HPSE2: variants seen among roughly 807,000 people sequenced by gnomAD.
HPSE2 encodes heparanase 2 (inactive).
In HPSE2, 38 loss-of-function variants were observed where a neutral mutation model predicts 60.5. The observed-to-expected ratio is 0.63, with a 90% CI of 0.48 to 0.82. The LOEUF is 0.82. Ranked by LOEUF, HPSE2 falls within the 40% of genes least tolerant of loss-of-function variation. The probability of loss-of-function intolerance (pLI) is 0.00; values close to 1 mark genes in which losing one functional copy is unlikely to be tolerated. For missense variants in HPSE2, 713 were observed against 740.4 expected (o/e 0.96, Z 0.43); for synonymous variants, 295 against 293.2 (o/e 1.01, Z -0.06).
chr10:98,935,196 A>T (rs961878393), intron 3 of HPSE2, among the ~76,000 whole-genome samples: 1 of 142,208 alleles, frequency 7.0e-6, no homozygotes, highest in Non-Finnish European at 1.5e-5. Context: ...ATCTTTTATC[A>T]TGGTTCTTAG....
the HPSE2 span, among the ~76,000 whole-genome samples, chr10:99,260,425 G>A: frequency 6.6e-6 from 1 of 152,086 alleles, no homozygotes; most frequent in African/African-American, 2.4e-5. Context: ...ACAACATCAG[G>A]TCCTCAGACC....
chr10:98,465,064 GA>G (rs1452658237), intron 11 of HPSE2, among the ~76,000 whole-genome samples: 1 of 152,172 alleles, frequency 6.6e-6, no homozygotes, highest in East Asian at 1.9e-4. Context: ...TCATTATAAA[GA>G]TGGGCCATGT....
chr10:98,845,086 A>C (rs1341887429), intron 3 of HPSE2, among the ~76,000 whole-genome samples: 1 of 152,234 alleles, frequency 6.6e-6, no homozygotes, highest in Non-Finnish European at 1.5e-5. Flanking sequence ...TTGGAGGAGA[A>C]AGGAAGTTAA....
At chr10:99,085,290 G>A (rs1295264962) in intron 3 of HPSE2, among the ~76,000 whole-genome samples, 3 of 152,156 alleles carry the variant, frequency 2.0e-5, no homozygotes, top group East Asian at 3.9e-4. Flanking sequence ...AGAAAATGAG[G>A]TCTAGAGAAG....
At chr10:99,271,677 C>T in the HPSE2 span, among the ~76,000 whole-genome samples, 1 of 152,020 alleles carries the variant, frequency 6.6e-6, no homozygotes. Flanking sequence ...AAAAAGAGAC[C>T]ACATAGCCAA....
chr10:99,181,304 A>G (rs1309663684), intron 2 of HPSE2, among the ~76,000 whole-genome samples: 2 of 146,920 alleles, frequency 1.4e-5, no homozygotes, highest in Non-Finnish European at 3.0e-5. Context: ...AGGCTGAGGC[A>G]GGAGAATGGC....
the HPSE2 span, among the ~76,000 whole-genome samples, chr10:99,245,193 G>A: frequency 7.2e-5 from 11 of 152,062 alleles, no homozygotes; most frequent in Non-Finnish European, 1.5e-4. Context: ...TAACGTGCAA[G>A]CCTAGGTCAG....
At chr10:98,521,776 A>G (rs1942801347) in intron 9 of HPSE2, among the ~76,000 whole-genome samples, 1 of 152,242 alleles carries the variant, frequency 6.6e-6, no homozygotes, top group Admixed American at 6.5e-5. Context: ...TATGTGGCAC[A>G]TATACACCAT....
In HPSE2 at chr10:98,511,416, C is replaced by A. The variant is rs575493065; in HGVS notation, c.1321-21220G>T. Among the ~76,000 whole-genome samples the A allele has an allele frequency of 2.6e-5, 4 of 152,214 alleles. No homozygotes were observed. The East Asian group carries it at 5.8e-4, about 22-fold the overall frequency. On this transcript the variant is annotated intron_variant, in intron 9 of 11. Transcript: ENST00000370552. ...CCACACGCCTTGGCCTCCCAAAGTGCGGGGATTACAGGTGTGAGGCACCGC... is the reference window on the plus strand; with the variant it reads ...CCACACGCCTTGGCCTCCCAAAGTGAGGGGATTACAGGTGTGAGGCACCGC...
At position 99,099,377 on chromosome 10, in the gene HPSE2, G is replaced by A. The variant is rs143419995; in HGVS notation, c.610+44861C>T. Among the ~76,000 whole-genome samples the A allele has an allele frequency of 8.2e-3, 1,242 of 152,312 alleles. 30 individuals carry two copies. The highest frequency in any genetic ancestry group is 0.042 in the Admixed American group (641 of 15,296). ...ACATGGCTCACAGGGACCCATGCCCGTGGAGTCTCGCTCATTGCTAGCACA... is the reference window on the plus strand; with the variant it reads ...ACATGGCTCACAGGGACCCATGCCCATGGAGTCTCGCTCATTGCTAGCACA... On this transcript the variant is annotated intron_variant, in intron 3 of 11. Coordinates refer to ENST00000370552, the MANE Select transcript of HPSE2 (RefSeq NM_021828.5).
At chr10:98,713,659 G>A (rs1412126279) in intron 5 of HPSE2, among the ~76,000 whole-genome samples, 1 of 151,976 alleles carries the variant, frequency 6.6e-6, no homozygotes, top group Non-Finnish European at 1.5e-5. Flanking sequence ...ACAGGTAAGT[G>A]TTTCAGTAAA....
chr10:98,734,258 G>A (rs1470385956), intron 4 of HPSE2, among the ~76,000 whole-genome samples: 2 of 152,094 alleles, frequency 1.3e-5, no homozygotes, highest in Admixed American at 6.6e-5. Flanking sequence ...TCAATTGATG[G>A]TCATTTAGGT....
chr10:98,749,947 T>TATATACAC, intron 3 of HPSE2, among the ~76,000 whole-genome samples: 29 of 98,452 alleles, frequency 2.9e-4, no homozygotes, highest in African/African-American at 3.3e-4. Context: ...TATATATATA[T>TATATACAC]ACACACACAC....
Position 98,831,431 on chromosome 10 carries a change from A to C in HPSE2, c.611-87375T>G, listed in dbSNP as rs80171843. On this transcript the variant is annotated intron_variant, in intron 3 of 11. Coordinates refer to ENST00000370552, the MANE Select transcript of HPSE2 (RefSeq NM_021828.5). ...ACTCCCTTCCCCCCAATATTTATTG[A>C]AACAAGGGAATGAACCCCATCCTAT... Among the ~76,000 whole-genome samples, 3 of 152,210 alleles carry C rather than the reference A, an allele frequency of 2.0e-5. No individual in the cohort carries two copies. The East Asian group carries it at 5.8e-4, about 29-fold the overall frequency.
chr10:98,714,764 C>A (rs1948752589), intron 5 of HPSE2, among the ~76,000 whole-genome samples: 1 of 151,836 alleles, frequency 6.6e-6, no homozygotes, highest in Admixed American at 6.6e-5. Context: ...AGACTGTTTT[C>A]CAAAGCAGCT....
At chr10:98,600,158 G>C (rs745866903) in intron 9 of HPSE2, among the ~76,000 whole-genome samples, 21 of 152,208 alleles carry the variant, frequency 1.4e-4, no homozygotes, top group Non-Finnish European at 2.2e-4. Context: ...CATAGGAAAA[G>C]TATATCAAGT....
intron 3 of HPSE2, among the ~76,000 whole-genome samples, chr10:99,080,832 T>G (rs1474486426): frequency 6.6e-6 from 1 of 152,256 alleles, no homozygotes; most frequent in African/African-American, 2.4e-5. Context: ...AGGTTTTTTT[T>G]CACTTTTATA....
At chr10:98,474,172 T>C (rs1940901963) in intron 11 of HPSE2, among the ~76,000 whole-genome samples, 1 of 152,206 alleles carries the variant, frequency 6.6e-6, no homozygotes, top group East Asian at 1.9e-4. Context: ...ACAAATGGCC[T>C]ACTGGTCCCA....
At chr10:98,788,320 G>C (rs1452387662) in intron 3 of HPSE2, among the ~76,000 whole-genome samples, 1 of 63,706 alleles carries the variant, frequency 1.6e-5, no homozygotes, top group East Asian at 3.6e-4. Context: ...CTCCAGCTGC[G>C]TGCTGGGAGA....
Sources: allele counts gnomAD v4.1 joint callset (sites outside exome capture counted in the v4.1 genomes callset), GRCh38; gene constraint gnomAD v4.1.1; transcripts MANE v1.5; gene names NCBI Gene and HGNC (gene_info 2026-07-23, HGNC 2026-07-21).